Variants in RHOJ observed in about 807,000 individuals in gnomAD.
RHOJ encodes the protein rho-related GTP-binding protein RhoJ.
In RHOJ, 11 loss-of-function variants were observed where a neutral mutation model predicts 23.4. The ratio of observed to expected loss-of-function variants is 0.47; its 90% CI spans 0.30 to 0.78. The LOEUF (loss-of-function observed/expected upper bound fraction) is 0.78. Among genes scored for constraint, RHOJ ranks in the 30% least tolerant of loss-of-function variants. RHOJ has a pLI of 0.08. For synonymous variants in RHOJ, 102 were observed against 102.7 expected (o/e 0.99, Z 0.04); for missense variants, 254 against 273.4 (o/e 0.93, Z 0.50).
At chr14:63,260,494 A>G (rs1404525512) in intron 1 of RHOJ, among the ~76,000 whole-genome samples, 2 of 152,224 alleles carry the variant, frequency 1.3e-5, no homozygotes, top group African/African-American at 2.4e-5. Context: ...TCCAATCTGT[A>G]TATACATCAA....
At chr14:63,207,582 T>C (rs1302047899) in intron 1 of RHOJ, among the ~76,000 whole-genome samples, 1 of 152,194 alleles carries the variant, frequency 6.6e-6, no homozygotes, top group East Asian at 1.9e-4. Context: ...AGCTATAATT[T>C]AAGTCATAGA....
chr14:63,289,436 C>A (rs1239477728), intron 4 of RHOJ, among the ~76,000 whole-genome samples: 1 of 152,188 alleles, frequency 6.6e-6, no homozygotes, highest in Non-Finnish European at 1.5e-5. Context: ...TTGTTTTAGC[C>A]ATTTGTCTGC....
At chr14:63,216,417 T>C (rs1228307803) in intron 1 of RHOJ, among the ~76,000 whole-genome samples, 1 of 152,226 alleles carries the variant, frequency 6.6e-6, no homozygotes, top group African/African-American at 2.4e-5. Flanking sequence ...TCATAAAATG[T>C]AACTGTTCAT....
chr14:63,258,498 G>GA (rs1895219712), intron 1 of RHOJ, among the ~76,000 whole-genome samples: 1 of 151,954 alleles, frequency 6.6e-6, no homozygotes, highest in East Asian at 1.9e-4. Flanking sequence ...GGGACTACAA[G>GA]AAAAAGTATT....
At chr14:63,232,677 A>C (rs1894716171) in intron 1 of RHOJ, among the ~76,000 whole-genome samples, 1 of 151,338 alleles carries the variant, frequency 6.6e-6, no homozygotes, top group Admixed American at 6.6e-5. Context: ...CATCCATTTA[A>C]AGTCTTTTTT....
intron 4 of RHOJ, among the ~76,000 whole-genome samples, chr14:63,285,293 T>C (rs963287286): frequency 2.6e-5 from 4 of 152,258 alleles, no homozygotes; most frequent in South Asian, 4.1e-4. Flanking sequence ...AGAGTGAGGA[T>C]AGAAAACTGT....
At chr14:63,225,093 A>C (rs112280825) in intron 1 of RHOJ, among the ~76,000 whole-genome samples, 11,712 of 151,326 alleles carry the variant, frequency 0.077, 669 homozygotes, top group East Asian at 0.22. Flanking sequence ...CTGGGACTAC[A>C]GGCGCCCGCC....
intron 1 of RHOJ, among the ~76,000 whole-genome samples, chr14:63,240,515 G>A (rs557093031): frequency 2.0e-5 from 3 of 152,268 alleles, no homozygotes; most frequent in Admixed American, 6.5e-5. Context: ...TACAGCTGAA[G>A]ATGTATAGGG....
At chr14:63,212,470 T>C (rs936468625) in intron 1 of RHOJ, among the ~76,000 whole-genome samples, 4 of 152,182 alleles carry the variant, frequency 2.6e-5, no homozygotes, top group Non-Finnish European at 5.9e-5. Context: ...GACCAGCATC[T>C]GTTAAGTGAT....
chr14:63,276,215 G>A (rs1202179872), intron 2 of RHOJ, among the ~76,000 whole-genome samples: 2 of 152,280 alleles, frequency 1.3e-5, no homozygotes, highest in South Asian at 4.1e-4. Context: ...TTCGGTGGGG[G>A]GGGGCGGGGG....
chr14:63,214,768 T>G (rs570619975), intron 1 of RHOJ, among the ~76,000 whole-genome samples: 1 of 152,270 alleles, frequency 6.6e-6, no homozygotes, highest in East Asian at 1.9e-4. Context: ...CTAACCTTAC[T>G]TACCCAAGGG....
chr14:63,291,155 C>A lies in RHOJ; in HGVS notation c.*131C>A. On this transcript the variant is annotated 3_prime_UTR_variant, in exon 5 of 5. Transcript: ENST00000316754. ...TTTGCACGGAGGCTTGCCCCATCAC[C>A]CTCTGAGCCCTCCCAACACAGCACA... 9.9e-7 allele frequency: 1 copy of A among 1,006,382 alleles called. No homozygotes were observed. The highest frequency in any genetic ancestry group is 1.3e-5 in the South Asian group (1 of 74,758). The allele number at this position is 1,006,382 out of a possible 1,614,324, so 62.3% of individuals were successfully genotyped here. A position where few individuals can be genotyped will look rare whatever the true frequency, so the allele number is the denominator to read the frequency against.
chr14:63,288,324 G>A (rs1371142535), intron 4 of RHOJ: 1 of 985,332 alleles, frequency 1.0e-6, no homozygotes. Flanking sequence ...CCAGGTGTGA[G>A]TGAGCTCAGC....
intron 1 of RHOJ, among the ~76,000 whole-genome samples, chr14:63,225,379 CA>C (rs1288257415): frequency 5.3e-5 from 8 of 152,164 alleles, no homozygotes; most frequent in Non-Finnish European, 1.0e-4. Context: ...AAAAAGAAAA[CA>C]AAGCCATTTA....
intron 1 of RHOJ, among the ~76,000 whole-genome samples, chr14:63,220,632 T>C (rs1894471543): frequency 1.3e-5 from 2 of 152,132 alleles, no homozygotes; most frequent in Admixed American, 1.3e-4. Flanking sequence ...GGCCAGGAGA[T>C]GTGCTTTTGA....
chr14:63,242,599 G>A (rs1894903110), intron 1 of RHOJ, among the ~76,000 whole-genome samples: 2 of 152,156 alleles, frequency 1.3e-5, no homozygotes, highest in Admixed American at 1.3e-4. Flanking sequence ...GTTTTGTTGG[G>A]AGTTGATGTG....
intron 1 of RHOJ, among the ~76,000 whole-genome samples, chr14:63,253,418 G>A (rs1895107530): frequency 6.6e-6 from 1 of 151,164 alleles, no homozygotes; most frequent in Admixed American, 6.6e-5. Flanking sequence ...TTTTTTTAGA[G>A]ATGGGGTTTC....
At chr14:63,282,572 C>G (rs1881945746) in intron 3 of RHOJ, among the ~76,000 whole-genome samples, 1 of 151,868 alleles carries the variant, frequency 6.6e-6, no homozygotes, top group African/African-American at 2.4e-5. Flanking sequence ...CCTTTGAAAA[C>G]TTCTCTTAGG....
chr14:63,206,774 T>C (rs1240848418), intron 1 of RHOJ, among the ~76,000 whole-genome samples: 1 of 152,234 alleles, frequency 6.6e-6, no homozygotes, highest in Non-Finnish European at 1.5e-5. Context: ...TGTACATACT[T>C]ACTATTGTTG....
Sources: gnomAD v4.1 joint callset for allele counts (sites outside exome capture counted in the v4.1 genomes callset) on GRCh38, gnomAD v4.1.1 for gene constraint, MANE v1.5 for transcripts, NCBI Gene and HGNC (gene_info 2026-07-23, HGNC 2026-07-21) for gene names.